Variants in ADAMTS12 observed in about 807,000 individuals in gnomAD.
The protein encoded by ADAMTS12 is ADAM metallopeptidase with thrombospondin type 1 motif 12.
A neutral mutation model predicts 167.8 loss-of-function variants in ADAMTS12; 118 were observed. That is an observed-to-expected ratio of 0.70 (90% confidence interval 0.61 to 0.82). ADAMTS12 has a LOEUF of 0.82. ADAMTS12 is among the 40% of genes least tolerant of loss of function. ADAMTS12 has a pLI of 0.00. For synonymous variants in ADAMTS12, 704 were observed against 716.9 expected (o/e 0.98, Z 0.29); for missense variants, 1,916 against 1,998.8 (o/e 0.96, Z 0.79).
intron 3 of ADAMTS12, among the ~76,000 whole-genome samples, chr5:33,730,289 GGTGTGTGT>G (rs762232547): frequency 1.4e-5 from 2 of 144,154 alleles, no homozygotes; most frequent in African/African-American, 5.1e-5. Context: ...AGTCCATTAG[GGTGTGTGT>G]GTGTGTGTGT....
chr5:33,535,105 A>G (rs1266023333), intron 22 of ADAMTS12, 113 bp from the exon 23 acceptor site: 3 of 1,151,966 alleles, frequency 2.6e-6, no homozygotes, highest in African/African-American at 1.6e-5. Context: ...CTCAATAACC[A>G]GAAACCTTTT....
At chr5:33,887,703 G>C (rs1016075239) in intron 1 of ADAMTS12, among the ~76,000 whole-genome samples, 1 of 151,708 alleles carries the variant, frequency 6.6e-6, no homozygotes, top group African/African-American at 2.4e-5. Context: ...AGAGGTAAGA[G>C]AATATTTACC....
At chr5:33,820,119 C>T (rs1473765483) in intron 2 of ADAMTS12, among the ~76,000 whole-genome samples, 1 of 152,130 alleles carries the variant, frequency 6.6e-6, no homozygotes, top group Non-Finnish European at 1.5e-5. Flanking sequence ...AGCTGTGCCA[C>T]CTGTAAATAG....
At chr5:33,735,889 T>C (rs1744356412) in intron 3 of ADAMTS12, among the ~76,000 whole-genome samples, 1 of 152,162 alleles carries the variant, frequency 6.6e-6, no homozygotes, top group African/African-American at 2.4e-5. Flanking sequence ...ATTGATGATG[T>C]TGGAAACTGA....
chr5:33,696,049 CAT>C (rs10577440), intron 3 of ADAMTS12, among the ~76,000 whole-genome samples: 34,894 of 151,988 alleles, frequency 0.23, 4,171 homozygotes, highest in East Asian at 0.43. Context: ...CAGTCACTAA[CAT>C]GTGCTTATTA....
At chr5:33,645,333 T>C (rs947051701) in intron 9 of ADAMTS12, among the ~76,000 whole-genome samples, 1 of 152,160 alleles carries the variant, frequency 6.6e-6, no homozygotes, top group African/African-American at 2.4e-5. Context: ...TAGGCTGAGA[T>C]AAAAGATGCT....
At chr5:33,781,435 G>C (rs1279310640) in intron 2 of ADAMTS12, among the ~76,000 whole-genome samples, 1 of 152,132 alleles carries the variant, frequency 6.6e-6, no homozygotes, top group Non-Finnish European at 1.5e-5. Flanking sequence ...ATGTGGGCTG[G>C]AAGTCTGCAT....
intron 3 of ADAMTS12, among the ~76,000 whole-genome samples, chr5:33,709,901 T>C (rs1743333095): frequency 6.6e-6 from 1 of 152,026 alleles, no homozygotes; most frequent in Non-Finnish European, 1.5e-5. Flanking sequence ...CAATCTACCA[T>C]GAAAATAACA....
intron 2 of ADAMTS12, among the ~76,000 whole-genome samples, chr5:33,872,224 C>T (rs1315564843): frequency 6.6e-6 from 1 of 152,114 alleles, no homozygotes; most frequent in Admixed American, 6.6e-5. Context: ...CCAGCATCAC[C>T]CTAACACCGA....
rs1056470819 is a variant in ADAMTS12 at position 33,844,115 on chromosome 5, T to A, written c.489+37004A>T. On this transcript the variant is annotated intron_variant, in intron 2 of 23. Transcript: ENST00000504830. Reference sequence around the variant, plus strand: ...TGATTTCCTATGCCTGTCTTTAATCTCTTAATCCTGTCATCTCGTAAGCTG... The same window carrying A: ...TGATTTCCTATGCCTGTCTTTAATCACTTAATCCTGTCATCTCGTAAGCTG... 3.3e-5 allele frequency among the ~76,000 whole-genome samples: 5 copies of A among 152,228 alleles called. No individual in the cohort carries two copies. The East Asian group carries it at 9.6e-4, about 29-fold the overall frequency.
chr5:33,532,110 C>T (rs981418592), intron 23 of ADAMTS12, among the ~76,000 whole-genome samples: 1 of 152,188 alleles, frequency 6.6e-6, no homozygotes, highest in South Asian at 2.1e-4. Flanking sequence ...CAATTTGCCT[C>T]TGCTGGTTCA....
At chr5:33,814,070 G>T (rs1040597157) in intron 2 of ADAMTS12, among the ~76,000 whole-genome samples, 1 of 152,128 alleles carries the variant, frequency 6.6e-6, no homozygotes, top group African/African-American at 2.4e-5. Context: ...TCTGTGGCTT[G>T]CTATTTCCCT....
intron 2 of ADAMTS12, among the ~76,000 whole-genome samples, chr5:33,815,605 G>C (rs900417457): frequency 8.5e-5 from 13 of 152,190 alleles, no homozygotes. Context: ...GCTAAAAAAA[G>C]AAGATTTTAG....
chr5:33,795,514 G>A (rs528881531), intron 2 of ADAMTS12, among the ~76,000 whole-genome samples: 1 of 152,290 alleles, frequency 6.6e-6, no homozygotes, highest in South Asian at 2.1e-4. Context: ...ACGTAGCACT[G>A]AAACTAGGAA....
At chr5:33,596,410 A>G (rs1737881711) in intron 16 of ADAMTS12, among the ~76,000 whole-genome samples, 1 of 152,184 alleles carries the variant, frequency 6.6e-6, no homozygotes, top group African/African-American at 2.4e-5. Context: ...GGTTGGGCGC[A>G]GTGGCTCACA....
intron 18 of ADAMTS12, among the ~76,000 whole-genome samples, chr5:33,582,374 A>G (rs570318265): frequency 6.6e-6 from 1 of 152,318 alleles, no homozygotes; most frequent in African/African-American, 2.4e-5. Flanking sequence ...GCCCCACAGG[A>G]GTGCCTGGGA....
At chr5:33,615,624 C>G (rs981727124) in intron 15 of ADAMTS12, among the ~76,000 whole-genome samples, 1 of 152,132 alleles carries the variant, frequency 6.6e-6, no homozygotes, top group East Asian at 1.9e-4. Context: ...TTTAAAGCAC[C>G]TTGCATTTTG....
chr5:33,535,468 T>C lies in ADAMTS12; in HGVS notation c.4447-476A>G, dbSNP rs1579631365. On this transcript the variant is annotated intron_variant, in intron 22 of 23. Coordinates refer to ENST00000504830, the MANE Select transcript of ADAMTS12 (RefSeq NM_030955.4). ...TGAAATTTGAAAACTTGGGTGTTGTTGGTGGCCACATTTCCTGCCAAGTAG... is the reference window on the plus strand; with the variant it reads ...TGAAATTTGAAAACTTGGGTGTTGTCGGTGGCCACATTTCCTGCCAAGTAG... Among the ~76,000 whole-genome samples the C allele has an allele frequency of 2.0e-5, 3 of 152,232 alleles. No individual in the cohort carries two copies. The South Asian group carries it at 6.2e-4, about 32-fold the overall frequency.
rs747557810 is a variant in ADAMTS12, at chr5:33,534,792, T to G, written c.4606+41A>C. 1.9e-6 allele frequency: 3 copies of G among 1,577,748 alleles called. No individual in the cohort carries two copies. In the East Asian group the frequency reaches 6.7e-5, roughly 35 times the overall value. On this transcript the variant is annotated intron_variant, in intron 23 of 23. Transcript: ENST00000504830. ...GTTGTATCATGCAGGATGACATTTG[T>G]GCAAAGATCTCTTTCTCCCCGAGCA...
Sources: gnomAD v4.1 joint callset for allele counts (sites outside exome capture counted in the v4.1 genomes callset) on GRCh38, gnomAD v4.1.1 for gene constraint, MANE v1.5 for transcripts, NCBI Gene and HGNC (gene_info 2026-07-23, HGNC 2026-07-21) for gene names.